FOXN3: variants seen among roughly 807,000 people sequenced by gnomAD.
FOXN3 encodes forkhead box N3.
FOXN3 carries 7 observed loss-of-function variants against 38.4 expected under a neutral mutation model. The ratio of observed to expected loss-of-function variants is 0.18; its 90% confidence interval spans 0.10 to 0.34. FOXN3 has a LOEUF of 0.34. FOXN3 is among the 10% of genes least tolerant of loss of function. The probability of loss-of-function intolerance (pLI) is 1.00; values close to 1 mark genes in which losing one functional copy is unlikely to be tolerated. For synonymous variants in FOXN3, 230 were observed against 242.2 expected, an observed-to-expected ratio of 0.95 and a Z score of 0.47; for missense variants, 456 against 613.4, an observed-to-expected ratio of 0.74 and a Z score of 2.71.
chr14:89,309,530 A>G lies in FOXN3; in HGVS notation c.681-28516T>C, dbSNP rs1451645083. On this transcript the variant is annotated intron_variant, in intron 3 of 5. Coordinates refer to ENST00000557258, the MANE Select transcript of FOXN3 (RefSeq NM_005197.4). ...TAAGCAAAGAAAAAGGAATCTGAAC[A>G]CTTCGTTAACTGGGTATAACTAACC... is the stretch of plus-strand genomic sequence containing the variant. Among the ~76,000 whole-genome samples the G allele has an allele frequency of 2.7e-5, 4 of 149,676 alleles. No individual in the cohort carries two copies. In the East Asian group the frequency reaches 7.8e-4, roughly 29 times the overall value.
At chr14:89,510,708 G>A (rs1395459587) in intron 1 of FOXN3, among the ~76,000 whole-genome samples, 3 of 152,170 alleles carry the variant, frequency 2.0e-5, no homozygotes, top group Admixed American at 6.5e-5. Context: ...TTGGGAGGCC[G>A]AGGCCAGCAG....
chr14:89,257,099 C>T (rs1596135817), intron 4 of FOXN3, among the ~76,000 whole-genome samples: 1 of 152,180 alleles, frequency 6.6e-6, no homozygotes, highest in African/African-American at 2.4e-5. Flanking sequence ...CTGCAGGTTG[C>T]GGTGAGAGTC....
intron 5 of FOXN3, among the ~76,000 whole-genome samples, chr14:89,168,042 A>G (rs565307353): frequency 6.6e-6 from 1 of 152,346 alleles, no homozygotes; most frequent in South Asian, 2.1e-4. Flanking sequence ...CTTTAAACCC[A>G]AGCCACAAGG....
rs550953620 is a variant in FOXN3, at chr14:89,270,030, C to T, written c.745+10920G>A. ...ATTGATTCGCTGTGCTAAGGCAGAA[C>T]GGACCTGGACCTGGCTGGAAGCGTT... On this transcript the variant is annotated intron_variant, in intron 4 of 5. Transcript: ENST00000557258. 3.3e-5 allele frequency among the ~76,000 whole-genome samples: 5 copies of T among 152,308 alleles called. No individual in the cohort carries two copies. In the South Asian group the frequency reaches 6.2e-4, roughly 19 times the overall value.
At chr14:89,311,484 A>AG (rs1398542419) in intron 3 of FOXN3, among the ~76,000 whole-genome samples, 1 of 149,982 alleles carries the variant, frequency 6.7e-6, no homozygotes, top group East Asian at 2.0e-4. Context: ...AAAAAAAAAA[A>AG]AAAAAAAAAG....
chr14:89,566,505 G>A (rs759243801), intron 1 of FOXN3, among the ~76,000 whole-genome samples: 1 of 152,144 alleles, frequency 6.6e-6, no homozygotes, highest in Admixed American at 6.5e-5. Flanking sequence ...CTTCATTATT[G>A]TGCTTTGTCA....
rs1894391517 is a variant in FOXN3 at position 89,524,404 on chromosome 14, G to GAAAA, written c.-15+94623_-15+94624insTTTT. Among the ~76,000 whole-genome samples, 9 of 25,600 alleles carry GAAAA rather than the reference G, an allele frequency of 3.5e-4. 1 individual carries two copies. Among genetic ancestry groups the GAAAA allele is most frequent in the African/African-American group, 1.1e-3 (6 of 5,418 alleles). 16.8% of individuals were successfully genotyped at this position (25,600 alleles called of 152,430 possible). A position where few individuals can be genotyped will look rare whatever the true frequency, so the allele number is the denominator to read the frequency against. On this transcript the variant is annotated intron_variant, in intron 1 of 6. Coordinates refer to the FOXN3 transcript ENST00000345097. ...AAAAAAAAAAAAAAAAAAAAAAAAAGAAAGAAAGAAACTAGAAAAAGAACT... is the reference window on the plus strand; with the variant it reads ...AAAAAAAAAAAAAAAAAAAAAAAAAGAAAAAAAGAAAGAAACTAGAAAAAGAACT...
At chr14:89,188,328 C>G (rs1454557300) in intron 4 of FOXN3, among the ~76,000 whole-genome samples, 1 of 152,016 alleles carries the variant, frequency 6.6e-6, no homozygotes, top group Non-Finnish European at 1.5e-5. Flanking sequence ...TCAGGAGAAG[C>G]CTTTTTCCTT....
In FOXN3 at chr14:89,234,057, G is replaced by A. The variant is rs576459842; in HGVS notation, c.745+46893C>T. 7.9e-5 allele frequency among the ~76,000 whole-genome samples: 12 copies of A among 152,164 alleles called. No homozygotes were observed. In the South Asian group the frequency reaches 1.0e-3, roughly 13 times the overall value. ...AGGATAGAAAGCCACAGTGCCCCTC[G>A]GATCATCAGATTCTCCCCAAAGACC... On this transcript the variant is annotated intron_variant, in intron 4 of 5. Coordinates refer to ENST00000557258, the MANE Select transcript of FOXN3 (RefSeq NM_005197.4).
chr14:89,518,408 G>C (rs770350712), intron 1 of FOXN3, among the ~76,000 whole-genome samples: 1 of 152,166 alleles, frequency 6.6e-6, no homozygotes, highest in Non-Finnish European at 1.5e-5. Flanking sequence ...TGGCAAGACT[G>C]ATTGGAGGAG....
chr14:89,408,042 AT>A (rs1289639442), intron 2 of FOXN3, among the ~76,000 whole-genome samples: 2 of 152,206 alleles, frequency 1.3e-5, no homozygotes, highest in Admixed American at 1.3e-4. Context: ...CCTTTCAGAG[AT>A]AAAACGAAAG....
chr14:89,306,624 T>C (rs1282197381), intron 3 of FOXN3, among the ~76,000 whole-genome samples: 2 of 152,076 alleles, frequency 1.3e-5, no homozygotes, highest in Non-Finnish European at 2.9e-5. Flanking sequence ...GCCTCAGCCT[T>C]CCAAAGTGCT....
chr14:89,464,368 C>T (rs1470501303), intron 1 of FOXN3, among the ~76,000 whole-genome samples: 1 of 152,124 alleles, frequency 6.6e-6, no homozygotes, highest in African/African-American at 2.4e-5. Flanking sequence ...GAGCACTCAT[C>T]CTCTATAGCT....
At chr14:89,480,276 G>A (rs1187317026) in intron 1 of FOXN3, among the ~76,000 whole-genome samples, 1 of 152,030 alleles carries the variant, frequency 6.6e-6, no homozygotes, top group African/African-American at 2.4e-5. Flanking sequence ...GGTGGCGGGC[G>A]CCTGTAGTCC....
chr14:89,285,862 AATTTTTT>A lies in FOXN3; in HGVS notation c.681-4855_681-4849del, dbSNP rs1013906147. ...GGTAAATTATATGTATTTTACCAAAAATTTTTTTTTTTTTTTTTTTTGACAACAGGGT... is the reference window on the plus strand; with the variant it reads ...GGTAAATTATATGTATTTTACCAAAATTTTTTTTTTTTTTGACAACAGGGT... On this transcript the variant is annotated intron_variant, in intron 3 of 5. Coordinates refer to ENST00000557258, the MANE Select transcript of FOXN3 (RefSeq NM_005197.4). 8.4e-5 allele frequency among the ~76,000 whole-genome samples: 9 copies of A among 107,368 alleles called. No individual in the cohort carries two copies. In the South Asian group the frequency reaches 8.9e-4, roughly 11 times the overall value. The allele number at this position is 107,368 out of a possible 152,430, so 70.4% of individuals were successfully genotyped here.
At chr14:89,374,176 A>T (rs900002580) in intron 2 of FOXN3, among the ~76,000 whole-genome samples, 1 of 143,438 alleles carries the variant, frequency 7.0e-6, no homozygotes, top group East Asian at 2.2e-4. Flanking sequence ...AGGTGGGAGG[A>T]TCACCTGAGC....
At chr14:89,369,560 T>TCA in intron 2 of FOXN3, among the ~76,000 whole-genome samples, 1 of 150,546 alleles carries the variant, frequency 6.6e-6, no homozygotes, top group Non-Finnish European at 1.5e-5. Context: ...TTTTTTTTTT[T>TCA]AAAAAAGAGG....
intron 2 of FOXN3, among the ~76,000 whole-genome samples, chr14:89,359,637 G>C (rs930151049): frequency 6.6e-6 from 1 of 152,172 alleles, no homozygotes; most frequent in African/African-American, 2.4e-5. Flanking sequence ...AAAGCTACTT[G>C]CTTTGAGTCA....
At chr14:89,512,647 T>G (rs1320470572) in intron 1 of FOXN3, among the ~76,000 whole-genome samples, 1 of 152,254 alleles carries the variant, frequency 6.6e-6, no homozygotes, top group Non-Finnish European at 1.5e-5. Flanking sequence ...TATGCCTTGC[T>G]TTTAGGTAAA....
Sources: gnomAD v4.1 joint callset for allele counts (sites outside exome capture counted in the v4.1 genomes callset) on GRCh38, gnomAD v4.1.1 for gene constraint, MANE v1.5 for transcripts, NCBI Gene and HGNC (gene_info 2026-07-23, HGNC 2026-07-21) for gene names.